Variants in STAG1 observed in about 807,000 individuals in gnomAD.
STAG1 encodes cohesin subunit SA-1.
A neutral mutation model predicts 170.9 loss-of-function variants in STAG1; 26 were observed. The ratio of observed to expected loss-of-function variants is 0.15; its 90% CI spans 0.11 to 0.21. The LOEUF (loss-of-function observed/expected upper bound fraction) is 0.21. Ranked by LOEUF, STAG1 falls within the 10% of genes least tolerant of loss-of-function variation. The probability of loss-of-function intolerance (pLI) is 1.00; values close to 1 mark genes in which losing one functional copy is unlikely to be tolerated. For missense variants in STAG1, 964 were observed against 1,509.5 expected (o/e 0.64, Z 5.99); for synonymous variants, 514 against 497.7 (o/e 1.03, Z -0.44).
chr3:136,691,420 G>C (rs1942718393), intron 1 of STAG1, among the ~76,000 whole-genome samples: 1 of 150,866 alleles, frequency 6.6e-6, no homozygotes, highest in Admixed American at 6.6e-5. Flanking sequence ...GGGTGACAGA[G>C]CGAGACTCTC....
chr3:136,490,001 T>G (rs1358695084), intron 9 of STAG1, among the ~76,000 whole-genome samples: 1 of 152,200 alleles, frequency 6.6e-6, no homozygotes, highest in Non-Finnish European at 1.5e-5. Context: ...CATTTATTAT[T>G]TCAGGCTTAC....
At chr3:136,395,924 A>T (rs1308487561) in intron 22 of STAG1, among the ~76,000 whole-genome samples, 3 of 152,134 alleles carry the variant, frequency 2.0e-5, no homozygotes, top group Non-Finnish European at 2.9e-5. Flanking sequence ...TCAAAAAAAG[A>T]CAAGAGGCTC....
At chr3:136,561,107 T>C (rs190681638) in intron 5 of STAG1, among the ~76,000 whole-genome samples, 33 of 152,316 alleles carry the variant, frequency 2.2e-4, no homozygotes, top group Admixed American at 2.2e-3. Flanking sequence ...AAGGAGTCCT[T>C]ATAAAATGCA....
chr3:136,552,743 A>T (rs561492806), intron 5 of STAG1, among the ~76,000 whole-genome samples: 1 of 152,210 alleles, frequency 6.6e-6, no homozygotes, highest in Non-Finnish European at 1.5e-5. Context: ...AAAGAGGGAG[A>T]TAAATGTATC....
intron 23 of STAG1, among the ~76,000 whole-genome samples, chr3:136,375,487 C>T (rs968714131): frequency 6.6e-6 from 1 of 152,256 alleles, no homozygotes; most frequent in East Asian, 1.9e-4. Flanking sequence ...GGTTGTCCAA[C>T]TGCAGCAAGA....
At chr3:136,444,752 AC>A (rs1335970537) in intron 14 of STAG1, among the ~76,000 whole-genome samples, 1 of 152,222 alleles carries the variant, frequency 6.6e-6, no homozygotes, top group Non-Finnish European at 1.5e-5. Flanking sequence ...TATGAAAGTC[AC>A]CCTTCTAGAT....
chr3:136,465,512 T>C (rs1222548363), intron 12 of STAG1, among the ~76,000 whole-genome samples: 1 of 125,308 alleles, frequency 8.0e-6, no homozygotes, highest in African/African-American at 3.1e-5. Context: ...TGAGTCACTG[T>C]GCCTGGCCGC....
intron 5 of STAG1, among the ~76,000 whole-genome samples, chr3:136,560,378 C>T (rs1378893862): frequency 6.6e-6 from 1 of 152,104 alleles, no homozygotes; most frequent in Admixed American, 6.6e-5. Context: ...TAAATATGTA[C>T]GTGTATCAAC....
intron 1 of STAG1, among the ~76,000 whole-genome samples, chr3:136,663,027 G>A (rs1322382571): frequency 2.0e-5 from 3 of 151,890 alleles, no homozygotes; most frequent in Non-Finnish European, 4.4e-5. Context: ...CTTCCAGTCT[G>A]GGCAGCAGAG....
At chr3:136,688,379 A>C (rs1292446021) in intron 1 of STAG1, among the ~76,000 whole-genome samples, 8 of 152,080 alleles carry the variant, frequency 5.3e-5, no homozygotes, top group African/African-American at 1.9e-4. Context: ...AGATCGTTCT[A>C]CCAAAGTACA....
intron 4 of STAG1, among the ~76,000 whole-genome samples, chr3:136,577,421 A>T (rs570365487): frequency 1.3e-5 from 2 of 152,308 alleles, no homozygotes; most frequent in South Asian, 4.1e-4. Context: ...AAAGAATGGG[A>T]TCCAAAAACT....
chr3:136,673,903 G>T (rs1942048652), intron 1 of STAG1, among the ~76,000 whole-genome samples: 1 of 151,758 alleles, frequency 6.6e-6, no homozygotes, highest in South Asian at 2.1e-4. Context: ...ATGAATTCAA[G>T]GCCAGCCTGG....
chr3:136,612,999 C>T (rs960707132), intron 3 of STAG1, among the ~76,000 whole-genome samples: 36 of 152,068 alleles, frequency 2.4e-4, no homozygotes, highest in Admixed American at 1.1e-3. Context: ...GCATTTCTAC[C>T]AGCAAGAAAT....
chr3:136,371,573 T>C lies in STAG1; in HGVS notation c.2371-2291A>G, dbSNP rs558576742. ...GGATCTGGTTTCAGCTTTCTACATA[T>C]GGCTAGCCAGTTTTCCCAGCACCAT... On this transcript the variant is annotated intron_variant, in intron 23 of 33. Coordinates refer to ENST00000383202, the MANE Select transcript of STAG1 (RefSeq NM_005862.3). Among the ~76,000 whole-genome samples the C allele has an allele frequency of 2.6e-5, 4 of 152,384 alleles. No homozygotes were observed. In the East Asian group the frequency reaches 7.7e-4, roughly 29 times the overall value.
At chr3:136,709,151 G>T (rs1051219009) in intron 1 of STAG1, among the ~76,000 whole-genome samples, 1 of 151,758 alleles carries the variant, frequency 6.6e-6, no homozygotes, top group East Asian at 1.9e-4. Flanking sequence ...TTAGCTGGAT[G>T]TGCTGGCGCA....
At chr3:136,477,006 A>C (rs2089769289) in intron 10 of STAG1, among the ~76,000 whole-genome samples, 1 of 152,184 alleles carries the variant, frequency 6.6e-6, no homozygotes, top group Non-Finnish European at 1.5e-5. Flanking sequence ...TCTGAATTAG[A>C]AAAAGAATAT....
At chr3:136,622,763 T>C (rs755097034) in intron 3 of STAG1, among the ~76,000 whole-genome samples, 1 of 152,136 alleles carries the variant, frequency 6.6e-6, no homozygotes, top group African/African-American at 2.4e-5. Context: ...AACTTCCCAA[T>C]CAGGTTATCA....
intron 1 of STAG1, among the ~76,000 whole-genome samples, chr3:136,700,967 G>A (rs999990121): frequency 1.5e-4 from 19 of 129,462 alleles, no homozygotes; most frequent in African/African-American, 1.2e-4. Context: ...ATGCAACCTC[G>A]ACCTCCCGGG....
intron 5 of STAG1, among the ~76,000 whole-genome samples, chr3:136,565,478 ACCACTTTATAC>A (rs1937043452): frequency 1.3e-5 from 2 of 152,230 alleles, no homozygotes; most frequent in Admixed American, 1.3e-4. Context: ...ACAGTTAGAT[ACCACTTTATAC>A]CCAGTAGGAT....
Sources: allele counts gnomAD v4.1 joint callset (sites outside exome capture counted in the v4.1 genomes callset), GRCh38; gene constraint gnomAD v4.1.1; transcripts MANE v1.5; gene names NCBI Gene and HGNC (gene_info 2026-07-23, HGNC 2026-07-21).